The following FAM162B variants were observed in gnomAD, a reference collection of about 807,000 sequenced individuals.
FAM162B encodes family with sequence similarity 162 member B.
Under a neutral mutation model 20.0 loss-of-function variants are expected in FAM162B, and 16 were observed. The ratio of observed to expected loss-of-function variants is 0.80; its 90% CI spans 0.54 to 1.21. The LOEUF (loss-of-function observed/expected upper bound fraction) is 1.21. Among genes scored for constraint, FAM162B ranks in the 50% most tolerant of loss-of-function variants. The pLI is 0.00. For missense variants in FAM162B, 260 were observed against 227.5 expected, an observed-to-expected ratio of 1.14 and a Z score of -0.92; for synonymous variants, 83 against 89.7, an observed-to-expected ratio of 0.93 and a Z score of 0.42.
intron 1 of FAM162B, 45 bp from the exon 2 acceptor site, chr6:116,765,300 G>A (rs765508867): frequency 4.4e-6 from 7 of 1,596,720 alleles, no homozygotes; most frequent in Middle Eastern, 1.7e-4. Context: ...TGACGCACCG[G>A]CACAGAGGAT....
chr6:116,755,487 T>C (rs1780042152), intron 3 of FAM162B, among the ~76,000 whole-genome samples: 1 of 152,184 alleles, frequency 6.6e-6, no homozygotes, highest in South Asian at 2.1e-4. Context: ...GCTGTCTCCA[T>C]AACAAAAGTG....
intron 3 of FAM162B, among the ~76,000 whole-genome samples, chr6:116,752,906 A>G (rs998861372): frequency 6.6e-6 from 1 of 151,948 alleles, no homozygotes; most frequent in Non-Finnish European, 1.5e-5. Context: ...TAAAGAGGCC[A>G]TATTTGAAGT....
intron 3 of FAM162B, among the ~76,000 whole-genome samples, chr6:116,753,518 T>TA (rs1490889267): frequency 1.3e-5 from 2 of 152,072 alleles, no homozygotes; most frequent in Non-Finnish European, 2.9e-5. Context: ...GCTAGAAAGA[T>TA]AGAGTTGACA....
Position 116,765,620 on chromosome 6 carries a change from C to T in FAM162B, c.-44G>A. 1.6e-6 allele frequency: 2 copies of T among 1,278,756 alleles called. No individual in the cohort carries two copies. Among genetic ancestry groups the T allele is most frequent in the Admixed American group, 4.0e-5 (1 of 24,692 alleles). 79.2% of individuals were successfully genotyped at this position (1,278,756 alleles called of 1,614,324 possible). On this transcript the variant is annotated 5_prime_UTR_variant, in exon 1 of 4. Transcript: ENST00000368557. ...GCCGCACCCGCACCTCCGGACCCAG[C>T]CACAGGCGTTGTCCCCGCAGCTCTC...
Position 116,762,050 on chromosome 6 carries a change from C to G in FAM162B, c.317G>C (p.Arg106Pro). The change falls in exon 3 of 4, where the codon CGA becomes CCA. Residue 106 changes from arginine (R) to proline (P), a missense_variant. Coordinates refer to ENST00000368557, the MANE Select transcript of FAM162B (RefSeq NM_001085480.3). ...AATCATTATGTAACAAGCTTTCACT[C>G]GAGCTTTGTTTCTTGCGGTGTCTAT... is the stretch of plus-strand genomic sequence containing the variant. ...EMIDTARNKA[R>P]VKACYIMIGL... 6.3e-7 allele frequency: 1 copy of G among 1,596,080 alleles called. No individual in the cohort carries two copies. The highest frequency in any genetic ancestry group is 1.3e-5 in the African/African-American group (1 of 74,884).
chr6:116,755,891 T>C (rs1780045729), intron 3 of FAM162B, among the ~76,000 whole-genome samples: 1 of 152,224 alleles, frequency 6.6e-6, no homozygotes, highest in Non-Finnish European at 1.5e-5. Context: ...AAGCTCACTG[T>C]TGAGACTTAC....
rs1035503362 is a variant in FAM162B at position 116,765,628 on chromosome 6, G to A, written c.-52C>T. The A allele has an allele frequency of 1.7e-4, 212 of 1,270,736 alleles. 1 individual carries two copies. Among genetic ancestry groups the A allele is most frequent in the Non-Finnish European group, 2.1e-4 (208 of 1,012,694 alleles). 78.7% of individuals were successfully genotyped at this position (1,270,736 alleles called of 1,614,324 possible). ...CGCACCTCCGGACCCAGCCACAGGC[G>A]TTGTCCCCGCAGCTCTCCTCGTCCC... On this transcript the variant is annotated 5_prime_UTR_variant, in exon 1 of 4. It adds an upstream start codon to the 5' untranslated region. Coordinates refer to ENST00000368557, the MANE Select transcript of FAM162B (RefSeq NM_001085480.3).
chr6:116,755,885 T>TC (rs1374267281), intron 3 of FAM162B, among the ~76,000 whole-genome samples: 2 of 152,136 alleles, frequency 1.3e-5, no homozygotes, highest in Non-Finnish European at 2.9e-5. Flanking sequence ...TACTTTAAGC[T>TC]CACTGTTGAG....
At chr6:116,760,349 A>C (rs971202813) in intron 3 of FAM162B, among the ~76,000 whole-genome samples, 4 of 152,228 alleles carry the variant, frequency 2.6e-5, no homozygotes, top group Non-Finnish European at 5.9e-5. Context: ...AGGAAATGAA[A>C]AAACCTTTCC....
At position 116,752,285 on chromosome 6, in the gene FAM162B, G is replaced by C. The variant is rs1779999918; in HGVS notation, c.*312C>G. On this transcript the variant is annotated 3_prime_UTR_variant, in exon 4 of 4. Transcript: ENST00000368557. ...TCAGAAAAACTGCTATGTTTGGGAG[G>C]TAATGGCTGAGAAAAGGCAGGAATG... 6.4e-6 allele frequency: 1 copy of C among 155,588 alleles called. No homozygotes were observed. The highest frequency in any genetic ancestry group is 1.8e-4 in the East Asian group (1 of 5,464). The allele number at this position is 155,588 out of a possible 1,614,324, so 9.6% of individuals were successfully genotyped here.
intron 3 of FAM162B, among the ~76,000 whole-genome samples, chr6:116,757,202 TA>T (rs1780060872): frequency 6.6e-6 from 1 of 152,174 alleles, no homozygotes; most frequent in Admixed American, 6.5e-5. Context: ...TGGATAAAAT[TA>T]AGTATTAGCA....
chr6:116,762,332 T>C (rs893765655), intron 2 of FAM162B, among the ~76,000 whole-genome samples: 1 of 152,212 alleles, frequency 6.6e-6, no homozygotes, highest in Non-Finnish European at 1.5e-5. Flanking sequence ...AATATTAGTT[T>C]CTAATTCCTC....
In FAM162B at chr6:116,752,632, C is replaced by T; in HGVS notation, c.454G>A (p.Glu152Lys). 2 of 1,594,832 alleles carry T rather than the reference C, an allele frequency of 1.3e-6. No individual in the cohort carries two copies. The highest frequency in any genetic ancestry group is 2.3e-5 in the South Asian group (2 of 88,350). ...NLAKKAKWRE[E>K]AALAAQAKAK is the part of the protein sequence containing the mutation. ...TTAGCCTGTGCAGCCAATGCAGCTTCTTCACGCCACTTAGCTTTCTTTGCC... is the reference window on the plus strand; with the variant it reads ...TTAGCCTGTGCAGCCAATGCAGCTTTTTCACGCCACTTAGCTTTCTTTGCC... The change falls in exon 4 of 4, where the codon GAA becomes AAA. Residue 152 changes from glutamate (E) to lysine (K), a missense_variant. Physicochemically the swap from Glu to Lys is moderately conservative, Grantham distance 56. Coordinates refer to ENST00000368557, the MANE Select transcript of FAM162B (RefSeq NM_001085480.3).
At chr6:116,765,380 C>T (rs2114555481) in intron 1 of FAM162B, 25 bp downstream of exon 1, 2 of 1,486,702 alleles carry the variant, frequency 1.3e-6, no homozygotes, top group East Asian at 4.9e-5. Context: ...CCTCCCAGGA[C>T]CTCCCCGTCG....
rs1771798491 is a variant in FAM162B, at chr6:116,762,195, C to T, written c.282-110G>A. 9 of 802,638 alleles carry T rather than the reference C, an allele frequency of 1.1e-5. No individual in the cohort carries two copies. The East Asian group carries it at 1.8e-4, about 16-fold the overall frequency. 49.7% of individuals were successfully genotyped at this position (802,638 alleles called of 1,614,324 possible). The stretch of plus-strand genomic sequence containing the variant: ...TTCCAAAAAATTCCCTGAATGCAAA[C>T]TGCATTTGGTGACATTTTCATGTGA... On this transcript the variant is annotated intron_variant, in intron 2 of 3. Coordinates refer to ENST00000368557, the MANE Select transcript of FAM162B (RefSeq NM_001085480.3).
chr6:116,755,497 G>T (rs978126103), intron 3 of FAM162B, among the ~76,000 whole-genome samples: 2 of 152,206 alleles, frequency 1.3e-5, no homozygotes, highest in African/African-American at 4.8e-5. Flanking sequence ...TAACAAAAGT[G>T]CAAGGTGAAG....
chr6:116,764,551 G>A (rs537428750), intron 2 of FAM162B, among the ~76,000 whole-genome samples: 1 of 152,106 alleles, frequency 6.6e-6, no homozygotes, highest in Non-Finnish European at 1.5e-5. Context: ...TTAGCATGCT[G>A]AAGAGGCCCA....
intron 3 of FAM162B, among the ~76,000 whole-genome samples, chr6:116,755,634 A>G (rs1780043311): frequency 1.3e-5 from 2 of 152,220 alleles, no homozygotes; most frequent in Non-Finnish European, 2.9e-5. Context: ...TTTGGAAGAA[A>G]ATGCCATCTA....
intron 3 of FAM162B, among the ~76,000 whole-genome samples, chr6:116,758,052 A>T (rs1235386506): frequency 6.6e-6 from 1 of 152,228 alleles, no homozygotes; most frequent in Non-Finnish European, 1.5e-5. Flanking sequence ...GTAGAGAAGA[A>T]AAACAACTAA....
Sources: allele counts gnomAD v4.1 joint callset (sites outside exome capture counted in the v4.1 genomes callset), GRCh38; gene constraint gnomAD v4.1.1; transcripts MANE v1.5; gene names NCBI Gene and HGNC (gene_info 2026-07-23, HGNC 2026-07-21).